DCX: variants seen among roughly 807,000 people sequenced by gnomAD.
The protein encoded by DCX is neuronal migration protein doublecortin.
DCX carries 4 observed loss-of-function variants against 20.9 expected under a neutral mutation model. The observed-to-expected ratio is 0.19, with a 90% CI of 0.09 to 0.44. The LOEUF is 0.44. Among genes scored for constraint, DCX ranks in the 20% least tolerant of loss-of-function variants. The pLI, the probability that DCX is intolerant of heterozygous loss-of-function variation, is 0.99. For missense variants in DCX, 133 were observed against 296.9 expected (o/e 0.45, Z 4.06); for synonymous variants, 103 against 111.4 (o/e 0.92, Z 0.47).
At chrX:111,357,580 A>G (rs943752596) in intron 3 of DCX, among the ~76,000 whole-genome samples, 1 of 111,030 alleles carries the variant, frequency 9.0e-6, no homozygotes, top group Non-Finnish European at 1.9e-5. Flanking sequence ...GGAGTTTGAG[A>G]CCAGCCTGGG....
intron 2 of DCX, among the ~76,000 whole-genome samples, chrX:111,406,784 A>G (rs975301683): frequency 1.8e-5 from 2 of 112,404 alleles, no homozygotes; most frequent in Admixed American, 1.9e-4. Context: ...AGAGCTGAAG[A>G]GATTGGAGAA....
chrX:111,341,897 A>C (rs1452789622), intron 3 of DCX, among the ~76,000 whole-genome samples: 1 of 110,783 alleles, frequency 9.0e-6, no homozygotes, highest in Non-Finnish European at 1.9e-5. Context: ...GAAGGGAAAA[A>C]CTGGTACCAG....
chrX:111,330,879 GCA>G lies in DCX; in HGVS notation c.946+23_946+24del, dbSNP rs747395899. The G allele has an allele frequency of 3.1e-5, 38 of 1,208,822 alleles. No homozygotes were observed. The South Asian group carries it at 5.8e-4, about 18-fold the overall frequency. ...TGTCCTCCATAAATGAAGTCAGCGTGCACAGTTAGGAAAAGAGCACTCACCGT... is the reference window on the plus strand; with the variant it reads ...TGTCCTCCATAAATGAAGTCAGCGTGCAGTTAGGAAAAGAGCACTCACCGT... On this transcript the variant is annotated intron_variant, in intron 5 of 6. Coordinates refer to ENST00000636035, the MANE Select transcript of DCX (RefSeq NM_001195553.2).
chrX:111,410,632 G>T, intron 1 of DCX: 2 of 867,198 alleles, frequency 2.3e-6, no homozygotes, highest in Non-Finnish European at 3.4e-6. Flanking sequence ...AGGAGGGGCT[G>T]GGCGGGGGTG....
At chrX:111,343,754 G>A (rs138292999) in intron 3 of DCX, among the ~76,000 whole-genome samples, 2,905 of 111,409 alleles carry the variant, frequency 0.026, 106 homozygotes, top group African/African-American at 0.089. Flanking sequence ...GGCTAAGGTG[G>A]TCAGATCACC....
intron 3 of DCX, among the ~76,000 whole-genome samples, chrX:111,340,566 G>A (rs772411751): frequency 6.3e-5 from 7 of 111,559 alleles, no homozygotes; most frequent in Non-Finnish European, 1.3e-4. Flanking sequence ...CCACTCGACT[G>A]AATGAGACCC....
At chrX:111,386,981 A>C (rs2147243127) in intron 3 of DCX, among the ~76,000 whole-genome samples, 1 of 111,720 alleles carries the variant, frequency 9.0e-6, no homozygotes, top group Admixed American at 9.5e-5. Flanking sequence ...ATGTTAGAAC[A>C]AAGGAAGGGG....
At chrX:111,371,102 ATTTG>A (rs1198661215) in intron 3 of DCX, among the ~76,000 whole-genome samples, 1 of 112,286 alleles carries the variant, frequency 8.9e-6, no homozygotes, top group Non-Finnish European at 1.9e-5. Context: ...AGTGTTCAAT[ATTTG>A]TTTAACACTC....
At chrX:111,343,036 A>G (rs930980234) in intron 3 of DCX, among the ~76,000 whole-genome samples, 73 of 110,344 alleles carry the variant, frequency 6.6e-4, no homozygotes, top group African/African-American at 2.2e-3. Context: ...CTAATCCAAA[A>G]GCTAGCAGAA....
chrX:111,396,277 G>A (rs939846585), intron 3 of DCX, among the ~76,000 whole-genome samples: 1 of 111,899 alleles, frequency 8.9e-6, no homozygotes, highest in Non-Finnish European at 1.9e-5. Flanking sequence ...CCAAGTAGTC[G>A]GTGCTATAAA....
At chrX:111,323,660 T>C (rs2095092603) in intron 5 of DCX, among the ~76,000 whole-genome samples, 1 of 103,088 alleles carries the variant, frequency 9.7e-6, no homozygotes. Flanking sequence ...AGCAAAATGA[T>C]TGGCCCTATC....
chrX:111,352,837 CAGAGAGAG>C lies in DCX; in HGVS notation c.706-19692_706-19685del, dbSNP rs768081351. Among the ~76,000 whole-genome samples the C allele has an allele frequency of 3.8e-3, 346 of 90,116 alleles. 1 individual carries two copies. The highest frequency in any genetic ancestry group is 9.5e-3 in the African/African-American group (225 of 23,765). 78.3% of individuals were successfully genotyped at this position (90,116 alleles called of 115,157 possible). A position where few individuals can be genotyped will look rare whatever the true frequency, so the allele number is the denominator to read the frequency against. On this transcript the variant is annotated intron_variant, in intron 3 of 6. Transcript: ENST00000636035. ...GTGAAAGCTGAGGCAGACAGACAGA[CAGAGAGAG>C]AGAGAGAGAGAGAGAGAGAGAGAGA...
rs1313183499 is a variant in DCX, at chrX:111,344,404, G to T, written c.706-11251C>A. On this transcript the variant is annotated intron_variant, in intron 3 of 6. Coordinates refer to ENST00000636035, the MANE Select transcript of DCX (RefSeq NM_001195553.2). ...TTCTGGCCAGGGCAATCAGTCAAGA[G>T]AAATAAATAAACGGTATTCAAGTAG... Among the ~76,000 whole-genome samples, 3 of 111,683 alleles carry T rather than the reference G, an allele frequency of 2.7e-5. No homozygotes were observed. In the Admixed American group the frequency reaches 2.9e-4, roughly 11 times the overall value.
At chrX:111,371,736 C>A (rs1224283950) in intron 3 of DCX, among the ~76,000 whole-genome samples, 2 of 110,503 alleles carry the variant, frequency 1.8e-5, no homozygotes, top group Non-Finnish European at 3.8e-5. Flanking sequence ...ATAACTTGCC[C>A]AAAATCACAT....
chrX:111,318,875 T>C (rs1175454006), intron 5 of DCX, among the ~76,000 whole-genome samples: 2 of 111,226 alleles, frequency 1.8e-5, no homozygotes, highest in African/African-American at 6.6e-5. Flanking sequence ...AACAAAATAA[T>C]CTGTACACCA....
chrX:111,305,403 C>T (rs1397771133), intron 6 of DCX, among the ~76,000 whole-genome samples: 1 of 111,173 alleles, frequency 9.0e-6, no homozygotes, highest in Non-Finnish European at 1.9e-5. Context: ...TATAGTGAAA[C>T]AAATAATTAC....
rs1224353314 is a variant in DCX at position 111,293,936 on chromosome X, C to T, written c.*7751G>A. Reference sequence around the variant, plus strand: ...TATTGAATGCTGCGAATCTTCAGCACTCACAGTTCACAGCACCTTACACAC... The same window carrying T: ...TATTGAATGCTGCGAATCTTCAGCATTCACAGTTCACAGCACCTTACACAC... On this transcript the variant is annotated 3_prime_UTR_variant, in exon 7 of 7. Coordinates refer to ENST00000636035, the MANE Select transcript of DCX (RefSeq NM_001195553.2). 3.5e-5 allele frequency: 4 copies of T among 112,699 alleles called. No homozygotes were observed. The highest frequency in any genetic ancestry group is 5.6e-5 in the Non-Finnish European group (3 of 53,339). 9.3% of individuals were successfully genotyped at this position (112,699 alleles called of 1,213,427 possible). A position where few individuals can be genotyped will look rare whatever the true frequency, so the allele number is the denominator to read the frequency against.
At chrX:111,332,915 A>G (rs1921382715) in intron 4 of DCX, 136 bp downstream of exon 4, 3 of 526,042 alleles carry the variant, frequency 5.7e-6, no homozygotes, top group Non-Finnish European at 1.0e-5. Context: ...ATCCAAATAT[A>G]CAGGAGAAAG....
At chrX:111,323,657 T>C (rs2147617908) in intron 5 of DCX, among the ~76,000 whole-genome samples, 1 of 88,449 alleles carries the variant, frequency 1.1e-5, no homozygotes, top group African/African-American at 4.5e-5. Context: ...CAAAGCAAAA[T>C]GATTGGCCCT....
Sources: gnomAD v4.1 joint callset for allele counts (sites outside exome capture counted in the v4.1 genomes callset) on GRCh38, gnomAD v4.1.1 for gene constraint, MANE v1.5 for transcripts, NCBI Gene and HGNC (gene_info 2026-07-23, HGNC 2026-07-21) for gene names.